PLAAT3: variants seen among roughly 807,000 people sequenced by gnomAD.
The protein encoded by PLAAT3 is Ca-independent phospholipase A1/2.
A neutral mutation model predicts 16.7 loss-of-function variants in PLAAT3; 21 were observed. The observed-to-expected ratio is 1.26, with a 90% CI of 0.89 to 1.81. The LOEUF (loss-of-function observed/expected upper bound fraction) is 1.81. Ranked by LOEUF, PLAAT3 falls within the 40% of genes most tolerant of loss-of-function variation. The pLI is 0.00. For synonymous variants in PLAAT3, 76 were observed against 81.7 expected (o/e 0.93, Z 0.38); for missense variants, 219 against 213.7 (o/e 1.02, Z -0.16).
At chr11:63,604,436 T>C (rs1256650469) in intron 2 of PLAAT3, among the ~76,000 whole-genome samples, 1 of 152,158 alleles carries the variant, frequency 6.6e-6, no homozygotes, top group African/African-American at 2.4e-5. Flanking sequence ...CTCATGAAAC[T>C]GCCTCTCAAT....
intron 2 of PLAAT3, among the ~76,000 whole-genome samples, chr11:63,613,578 AG>A (rs1375136433): frequency 6.6e-6 from 1 of 152,348 alleles, no homozygotes; most frequent in South Asian, 2.1e-4. Flanking sequence ...GCCAGGCGGA[AG>A]GGGGGCAGTC....
upstream of PLAAT3, among the ~76,000 whole-genome samples, chr11:63,615,676 G>T (rs1363403152): frequency 2.3e-4 from 33 of 141,092 alleles, no homozygotes; most frequent in African/African-American, 4.9e-4. Context: ...GGGGTTTTTT[G>T]TTTTTTTTTT....
At chr11:63,605,999 G>A (rs11231531) in intron 2 of PLAAT3, among the ~76,000 whole-genome samples, 3,916 of 152,270 alleles carry the variant, frequency 0.026, 146 homozygotes, top group African/African-American at 0.088. Flanking sequence ...ATCCGCAGCT[G>A]TGGTTCTCAG....
chr11:63,609,934 C>T (rs562134370), intron 2 of PLAAT3, among the ~76,000 whole-genome samples: 5 of 152,346 alleles, frequency 3.3e-5, no homozygotes, highest in Non-Finnish European at 7.3e-5. Flanking sequence ...CCCACCACTA[C>T]CACCAAGCAC....
chr11:63,602,674 T>C (rs112957901), intron 2 of PLAAT3, among the ~76,000 whole-genome samples: 8 of 152,258 alleles, frequency 5.3e-5, no homozygotes, highest in African/African-American at 1.7e-4. Flanking sequence ...AATTTCAGTG[T>C]CCATAATGCT....
At chr11:63,589,995 T>A in intron 4 of PLAAT3, 105 bp downstream of exon 4, 1 of 1,058,768 alleles carries the variant, frequency 9.4e-7, no homozygotes, top group Non-Finnish European at 1.4e-6. Context: ...AGTAATTCTG[T>A]CTCTGCTATT....
intron 2 of PLAAT3, among the ~76,000 whole-genome samples, chr11:63,613,774 C>T (rs2134438392): frequency 6.6e-6 from 1 of 152,378 alleles, no homozygotes; most frequent in South Asian, 2.1e-4. Context: ...GGGCGCGTTT[C>T]AGGCAGGGCG....
chr11:63,595,874 T>C (rs1338359363), intron 3 of PLAAT3, among the ~76,000 whole-genome samples: 1 of 152,150 alleles, frequency 6.6e-6, no homozygotes, highest in African/African-American at 2.4e-5. Flanking sequence ...GGCTGAAGAA[T>C]GGAAACTGGA....
chr11:63,595,796 T>C (rs1938273521), intron 3 of PLAAT3, among the ~76,000 whole-genome samples: 1 of 152,118 alleles, frequency 6.6e-6, no homozygotes, highest in Non-Finnish European at 1.5e-5. Context: ...AAGAGAAGGG[T>C]GAGGAATTCT....
At chr11:63,589,551 G>C (rs1042443787) in intron 4 of PLAAT3, among the ~76,000 whole-genome samples, 4 of 151,958 alleles carry the variant, frequency 2.6e-5, no homozygotes, top group Non-Finnish European at 5.9e-5. Context: ...CATCCCCTAG[G>C]GTCTCCCAGA....
intron 2 of PLAAT3, among the ~76,000 whole-genome samples, chr11:63,603,703 TACACACACACACACAC>T (rs67821162): frequency 2.7e-4 from 32 of 117,096 alleles, no homozygotes; most frequent in Admixed American, 5.5e-4. Context: ...TAAATTATCC[TACACACACACACACAC>T]ACACACACAC....
chr11:63,593,594 G>C (rs936201461), intron 3 of PLAAT3, among the ~76,000 whole-genome samples: 1 of 152,064 alleles, frequency 6.6e-6, no homozygotes, highest in Admixed American at 6.5e-5. Flanking sequence ...TTTGAGACGG[G>C]GTTTCACTCT....
intron 4 of PLAAT3, among the ~76,000 whole-genome samples, chr11:63,588,792 T>C (rs1170972461): frequency 2.0e-5 from 3 of 152,156 alleles, no homozygotes; most frequent in Non-Finnish European, 4.4e-5. Flanking sequence ...AGGTAACTAA[T>C]ATCCCACTGT....
chr11:63,604,608 C>G (rs1291223297), intron 2 of PLAAT3, among the ~76,000 whole-genome samples: 2 of 151,904 alleles, frequency 1.3e-5, no homozygotes, highest in African/African-American at 4.8e-5. Context: ...ACAAAAAATA[C>G]AAAAATTAGC....
At chr11:63,587,231 A>C (rs1245746466) in intron 4 of PLAAT3, among the ~76,000 whole-genome samples, 1 of 152,238 alleles carries the variant, frequency 6.6e-6, no homozygotes, top group African/African-American at 2.4e-5. Flanking sequence ...TGAGTTTCCA[A>C]GTACCTGGCA....
chr11:63,580,053 A>G (rs755947109), intron 4 of PLAAT3, among the ~76,000 whole-genome samples: 3 of 152,150 alleles, frequency 2.0e-5, no homozygotes, highest in Non-Finnish European at 2.9e-5. Flanking sequence ...ATCCTCTTAC[A>G]GAAAGCTGCT....
chr11:63,614,711 G>A (rs552752297), upstream of PLAAT3, among the ~76,000 whole-genome samples: 9 of 152,032 alleles, frequency 5.9e-5, no homozygotes, highest in African/African-American at 1.9e-4. Context: ...AAAAACTGAA[G>A]GAGTTAAAAA....
intron 4 of PLAAT3, among the ~76,000 whole-genome samples, chr11:63,584,463 G>GT (rs1421394005): frequency 7.1e-6 from 1 of 141,768 alleles, no homozygotes; most frequent in East Asian, 2.0e-4. Flanking sequence ...TAAATTCATT[G>GT]TTTCCCTTCT....
intron 4 of PLAAT3, 41 bp downstream of exon 4, chr11:63,590,059 G>A (rs1174958249): frequency 3.1e-6 from 5 of 1,594,072 alleles, no homozygotes; most frequent in South Asian, 2.2e-5. Context: ...CAGAGGGAAT[G>A]GTCTGGTTCC....
Sources: allele counts gnomAD v4.1 joint callset (sites outside exome capture counted in the v4.1 genomes callset), GRCh38; gene constraint gnomAD v4.1.1; transcripts MANE v1.5; gene names NCBI Gene and HGNC (gene_info 2026-07-23, HGNC 2026-07-21).